The following LARGE1 variants were observed in gnomAD, a reference collection of about 807,000 sequenced individuals.
LARGE1 encodes the protein LARGE xylosyl- and glucuronyltransferase 1.
LARGE1 carries 43 observed loss-of-function variants against 87.6 expected under a neutral mutation model. That is an observed-to-expected ratio of 0.49 (90% CI 0.38 to 0.63). The LOEUF (loss-of-function observed/expected upper bound fraction) is 0.63. Among genes scored for constraint, LARGE1 ranks in the 30% least tolerant of loss-of-function variants. The probability of loss-of-function intolerance (pLI) is 0.00; values close to 1 mark genes in which losing one functional copy is unlikely to be tolerated. For missense variants in LARGE1, 802 were observed against 1,000.2 expected (o/e 0.80, Z 2.67); for synonymous variants, 434 against 394.6 (o/e 1.10, Z -1.18).
chr22:33,717,638 T>C (rs941022349), intron 2 of LARGE1, among the ~76,000 whole-genome samples: 5 of 152,196 alleles, frequency 3.3e-5, no homozygotes, highest in Admixed American at 2.0e-4. Context: ...GAGAAGGCTC[T>C]TGACCCAACA....
intron 11 of LARGE1, among the ~76,000 whole-genome samples, chr22:33,223,278 A>T (rs1228681192): frequency 6.6e-6 from 1 of 152,204 alleles, no homozygotes; most frequent in African/African-American, 2.4e-5. Context: ...GCAGAAAATG[A>T]GCCAAGAATT....
intron 5 of LARGE1, among the ~76,000 whole-genome samples, chr22:33,599,691 G>A (rs1379398039): frequency 6.6e-6 from 1 of 152,082 alleles, no homozygotes; most frequent in Non-Finnish European, 1.5e-5. Context: ...AGCACTAACA[G>A]ATATCATAAG....
Position 33,590,155 on chromosome 22 carries a change from G to A in LARGE1, c.615+14280C>T, listed in dbSNP as rs76137646. ...TGTTTTGTGCTTAGTATATCTGGAAGTTTTCTACTTGGAAAATAACTCGGC... is the reference window on the plus strand; with the variant it reads ...TGTTTTGTGCTTAGTATATCTGGAAATTTTCTACTTGGAAAATAACTCGGC... On this transcript the variant is annotated intron_variant, in intron 5 of 14. Transcript: ENST00000397394. Among the ~76,000 whole-genome samples, 754 of 152,252 alleles carry A rather than the reference G, an allele frequency of 5.0e-3. 2 individuals carry two copies. The highest frequency in any genetic ancestry group is 0.016 in the African/African-American group (668 of 41,536).
chr22:33,395,684 T>G (rs1339225433), intron 7 of LARGE1, among the ~76,000 whole-genome samples: 1 of 152,080 alleles, frequency 6.6e-6, no homozygotes, highest in South Asian at 2.1e-4. Context: ...GAGGAGAAAG[T>G]AGGGACCAAA....
intron 7 of LARGE1, among the ~76,000 whole-genome samples, chr22:33,431,569 C>T (rs144914720): frequency 4.1e-4 from 63 of 152,328 alleles, no homozygotes; most frequent in East Asian, 3.3e-3. Context: ...ACATGGTAGA[C>T]TGCACTTGCC....
intron 11 of LARGE1, among the ~76,000 whole-genome samples, chr22:33,199,349 ATTT>A (rs1415300133): frequency 6.6e-6 from 1 of 152,098 alleles, no homozygotes; most frequent in South Asian, 2.1e-4. Context: ...TATGCAGAAG[ATTT>A]TTAGTTTAAT....
At chr22:33,318,010 G>A (rs1459339966) in intron 10 of LARGE1, among the ~76,000 whole-genome samples, 1 of 151,972 alleles carries the variant, frequency 6.6e-6, no homozygotes, top group Non-Finnish European at 1.5e-5. Context: ...GCTGAGGCAG[G>A]TGGATCACGA....
chr22:33,414,724 G>A (rs1039023793), intron 7 of LARGE1, among the ~76,000 whole-genome samples: 8 of 152,204 alleles, frequency 5.3e-5, no homozygotes, highest in Non-Finnish European at 1.2e-4. Flanking sequence ...ATCTCCAAGA[G>A]GATGGTATTG....
intron 2 of LARGE1, among the ~76,000 whole-genome samples, chr22:33,751,641 T>C (rs1006473425): frequency 1.3e-5 from 2 of 152,248 alleles, no homozygotes; most frequent in Non-Finnish European, 2.9e-5. Flanking sequence ...AATTTTTGCC[T>C]GTTTTTGAAC....
intron 2 of LARGE1, among the ~76,000 whole-genome samples, chr22:33,753,608 A>G (rs2084401411): frequency 6.6e-6 from 1 of 152,152 alleles, no homozygotes; most frequent in South Asian, 2.1e-4. Context: ...TACAAGTTGC[A>G]TGTTGGGACT....
chr22:33,684,060 T>C (rs1393759928), intron 2 of LARGE1, among the ~76,000 whole-genome samples: 1 of 152,198 alleles, frequency 6.6e-6, no homozygotes, highest in African/African-American at 2.4e-5. Context: ...CATTCTGAGA[T>C]ACTAACAGTT....
intron 2 of LARGE1, among the ~76,000 whole-genome samples, chr22:33,739,475 AC>A (rs540723284): frequency 6.5e-4 from 99 of 152,234 alleles, no homozygotes; most frequent in Non-Finnish European, 5.9e-5. Flanking sequence ...GGTCTAATTT[AC>A]CCTGCAGCCA....
At chr22:33,900,850 T>C (rs935998672) in intron 1 of LARGE1, among the ~76,000 whole-genome samples, 5 of 152,108 alleles carry the variant, frequency 3.3e-5, no homozygotes, top group African/African-American at 1.2e-4. Context: ...AGTTCAAGAC[T>C]AGCTTGCCCA....
intron 5 of LARGE1, among the ~76,000 whole-genome samples, chr22:33,569,146 G>C (rs974290341): frequency 6.6e-6 from 1 of 152,174 alleles, no homozygotes; most frequent in Non-Finnish European, 1.5e-5. Context: ...CTCTCCTCTA[G>C]CAATCTGCCT....
At chr22:33,261,380 G>A (rs1381294596) in intron 11 of LARGE1, among the ~76,000 whole-genome samples, 1 of 152,166 alleles carries the variant, frequency 6.6e-6, no homozygotes, top group East Asian at 1.9e-4. Context: ...CTGGGGCCCT[G>A]TCTCAGGCTC....
chr22:33,093,226 A>G, the LARGE1 span, among the ~76,000 whole-genome samples: 1 of 152,186 alleles, frequency 6.6e-6, no homozygotes, highest in Non-Finnish European at 1.5e-5. Flanking sequence ...TGCTCATCTA[A>G]AGCTGATGAT....
chr22:33,481,245 G>A (rs868481376), intron 6 of LARGE1, among the ~76,000 whole-genome samples: 6 of 132,220 alleles, frequency 4.5e-5, no homozygotes, highest in African/African-American at 1.5e-4. Flanking sequence ...ACACACACAC[G>A]TACACACACA....
chr22:33,627,617 C>T (rs1031319179), intron 3 of LARGE1, among the ~76,000 whole-genome samples: 5 of 152,140 alleles, frequency 3.3e-5, no homozygotes, highest in Non-Finnish European at 5.9e-5. Context: ...TATCTGGGTC[C>T]ATCCCATACA....
intron 2 of LARGE1, among the ~76,000 whole-genome samples, chr22:33,749,000 C>T (rs1375830982): frequency 2.0e-5 from 3 of 152,144 alleles, no homozygotes; most frequent in Non-Finnish European, 2.9e-5. Flanking sequence ...AGGAGACTTT[C>T]CAGGATTCTA....
Sources: gnomAD v4.1 joint callset for allele counts (sites outside exome capture counted in the v4.1 genomes callset) on GRCh38, gnomAD v4.1.1 for gene constraint, MANE v1.5 for transcripts, NCBI Gene and HGNC (gene_info 2026-07-23, HGNC 2026-07-21) for gene names.